Variants in TRMT9B observed in about 807,000 individuals in gnomAD.
TRMT9B encodes probable tRNA methyltransferase 9B.
In TRMT9B, 16 loss-of-function variants were observed where a neutral mutation model predicts 11.5. The ratio of observed to expected loss-of-function variants is 1.39; its 90% CI spans 0.94 to 2.11. The LOEUF (loss-of-function observed/expected upper bound fraction) is 2.11, where lower values mean the gene tolerates loss of function less well. TRMT9B is among the 30% of genes most tolerant of loss of function. The pLI is 0.00. For missense variants in TRMT9B, 941 were observed against 553.8 expected, an observed-to-expected ratio of 1.70 and a Z score of -7.02; for synonymous variants, 274 against 192.4, an observed-to-expected ratio of 1.42 and a Z score of -3.51.
Position 13,017,374 on chromosome 8 carries a change from A to T in TRMT9B, c.329-3634A>T, listed in dbSNP as rs368306476. The stretch of plus-strand genomic sequence containing the variant: ...CAACCTACCTACTGTCTGGGCTCTC[A>T]GCAGGAAAATACTGCTTTAGGATGC... On this transcript the variant is annotated intron_variant, in intron 4 of 4. Transcript: ENST00000524591. Among the ~76,000 whole-genome samples the T allele has an allele frequency of 3.9e-4, 59 of 152,308 alleles. No homozygotes were observed. In the East Asian group the frequency reaches 9.4e-3, roughly 24 times the overall value.
chr8:13,025,471 T>A lies in TRMT9B; in HGVS notation c.*3427T>A, dbSNP rs2128905945. On this transcript the variant is annotated 3_prime_UTR_variant, in exon 5 of 5. Transcript: ENST00000524591. Reference sequence around the variant, plus strand: ...GGCGGAGGTTGCAGTGAGCCGAGATTGTGCCATTGCACTCCAACCTGGGCA... The same window carrying A: ...GGCGGAGGTTGCAGTGAGCCGAGATAGTGCCATTGCACTCCAACCTGGGCA... 6.2e-6 allele frequency: 1 copy of A among 162,088 alleles called. No homozygotes were observed. The highest frequency in any genetic ancestry group is 2.4e-5 in the African/African-American group (1 of 41,572). 10.0% of individuals were successfully genotyped at this position (162,088 alleles called of 1,614,324 possible).
intron 2 of TRMT9B, among the ~76,000 whole-genome samples, chr8:12,999,796 G>A (rs1188883574): frequency 6.6e-6 from 1 of 152,132 alleles, no homozygotes; most frequent in African/African-American, 2.4e-5. Context: ...TCTTTGAGAA[G>A]GTGGAGAAGA....
chr8:12,989,070 A>G (rs1806846637), intron 1 of TRMT9B, among the ~76,000 whole-genome samples: 1 of 151,858 alleles, frequency 6.6e-6, no homozygotes, highest in African/African-American at 2.4e-5. Flanking sequence ...TTTTAATTTA[A>G]TACAGAAATT....
intron 1 of TRMT9B, chr8:12,961,753 G>C (rs1255682223): frequency 6.6e-6 from 1 of 150,880 alleles, no homozygotes; most frequent in African/African-American, 2.4e-5. Flanking sequence ...GGATCCAAGT[G>C]ATGGCAGGTC....
At chr8:12,965,529 C>G (rs1802693862) in intron 1 of TRMT9B, among the ~76,000 whole-genome samples, 1 of 152,140 alleles carries the variant, frequency 6.6e-6, no homozygotes. Context: ...TCACCAAACT[C>G]ATTAGTCCAA....
chr8:13,011,249 G>T, intron 3 of TRMT9B: 1 of 952,048 alleles, frequency 1.1e-6, no homozygotes, highest in African/African-American at 1.8e-5. Context: ...GCCTCCCAAA[G>T]TGCTAGGATT....
intron 2 of TRMT9B, among the ~76,000 whole-genome samples, chr8:12,994,277 A>G (rs1807933583): frequency 6.6e-6 from 1 of 152,262 alleles, no homozygotes; most frequent in South Asian, 2.1e-4. Flanking sequence ...TTAGATCTCC[A>G]AAATTACTTT....
intron 3 of TRMT9B, chr8:13,012,134 A>C (rs1443933858): frequency 2.0e-6 from 2 of 985,484 alleles, no homozygotes; most frequent in Non-Finnish European, 2.4e-6. Context: ...TGTGGACATC[A>C]CCTCATTAAA....
intron 2 of TRMT9B, 35 bp downstream of exon 2, chr8:12,991,066 C>G (rs1330248076): frequency 1.5e-5 from 16 of 1,086,470 alleles, no homozygotes; most frequent in Non-Finnish European, 1.9e-5. Flanking sequence ...AACTCACATA[C>G]CATGAGGTGT....
chr8:12,978,285 G>C (rs946277435), intron 1 of TRMT9B, among the ~76,000 whole-genome samples: 1 of 152,030 alleles, frequency 6.6e-6, no homozygotes, highest in African/African-American at 2.4e-5. Flanking sequence ...TGGCATTATC[G>C]ATCAGCCCAA....
chr8:13,010,425 T>G lies in TRMT9B; in HGVS notation c.155-2259T>G, dbSNP rs1254262416. On this transcript the variant is annotated intron_variant, in intron 3 of 4. Transcript: ENST00000524591. ...ATGACTGTCCTCTAAAGGAAATGGT[T>G]TCTGTTGCTAGGTTTTTCCACTTAG... 6.1e-6 allele frequency: 6 copies of G among 984,844 alleles called. No homozygotes were observed. In the African/African-American group the frequency reaches 1.0e-4, roughly 17 times the overall value. 61.0% of individuals were successfully genotyped at this position (984,844 alleles called of 1,614,324 possible). A position where few individuals can be genotyped will look rare whatever the true frequency, so the allele number is the denominator to read the frequency against.
At chr8:13,017,356 C>A (rs141805509) in intron 4 of TRMT9B, among the ~76,000 whole-genome samples, 1 of 152,234 alleles carries the variant, frequency 6.6e-6, no homozygotes, top group Non-Finnish European at 1.5e-5. Context: ...ATTCAACCTA[C>A]CTACTGTCTG....
intron 3 of TRMT9B, chr8:13,012,155 A>G (rs1811729538): frequency 2.0e-6 from 2 of 985,368 alleles, no homozygotes; most frequent in Non-Finnish European, 2.4e-6. Context: ...TATTCAATAA[A>G]TGTTATTTTT....
chr8:12,966,012 CAAAAA>C (rs1270227211), intron 1 of TRMT9B, among the ~76,000 whole-genome samples: 1 of 142,790 alleles, frequency 7.0e-6, no homozygotes, highest in Non-Finnish European at 1.5e-5. Context: ...GACTCTGTCT[CAAAAA>C]GAAAAAAAAA....
intron 4 of TRMT9B, among the ~76,000 whole-genome samples, chr8:13,015,481 A>G (rs547073323): frequency 3.9e-5 from 6 of 152,216 alleles, no homozygotes; most frequent in Admixed American, 3.9e-4. Flanking sequence ...CCTCCCAAGT[A>G]GCTGGGACTA....
rs1444553151 is a variant in TRMT9B at position 13,025,749 on chromosome 8, T to G, written c.*3705T>G. On this transcript the variant is annotated 3_prime_UTR_variant, in exon 5 of 5. Transcript: ENST00000524591. ...AACTAACAAACTAGCTACACAAACG[T>G]CTTGGAGTTTGGTTTCGTTCTCTTT... The G allele has an allele frequency of 6.0e-6, 1 of 166,934 alleles. No individual in the cohort carries two copies. The highest frequency in any genetic ancestry group is 2.4e-5 in the African/African-American group (1 of 41,452). 10.3% of individuals were successfully genotyped at this position (166,934 alleles called of 1,614,324 possible). A position where few individuals can be genotyped will look rare whatever the true frequency, so the allele number is the denominator to read the frequency against.
chr8:12,948,084 T>A (rs1800352720), intron 1 of TRMT9B, among the ~76,000 whole-genome samples: 1 of 152,202 alleles, frequency 6.6e-6, no homozygotes, highest in African/African-American at 2.4e-5. Context: ...TACATCCTAA[T>A]AAACCCATTG....
rs111965493 is a variant in TRMT9B, at chr8:13,027,043, C to G, written c.*4999C>G. On this transcript the variant is annotated 3_prime_UTR_variant, in exon 5 of 5. Coordinates refer to ENST00000524591, the MANE Select transcript of TRMT9B (RefSeq NM_020844.3). Reference sequence around the variant, plus strand: ...ATATTCTGGGACCACTTTTCTCCAACTCTTCAACCTTTCAACAATTATATT... The same window carrying G: ...ATATTCTGGGACCACTTTTCTCCAAGTCTTCAACCTTTCAACAATTATATT... The G allele has an allele frequency of 9.8e-4, 163 of 167,176 alleles. 3 individuals are homozygous for G. Among genetic ancestry groups the G allele is most frequent in the African/African-American group, 3.5e-3 (147 of 41,540 alleles). 10.4% of individuals were successfully genotyped at this position (167,176 alleles called of 1,614,324 possible). A position where few individuals can be genotyped will look rare whatever the true frequency, so the allele number is the denominator to read the frequency against.
intron 1 of TRMT9B, among the ~76,000 whole-genome samples, chr8:12,950,192 C>G (rs1800483925): frequency 1.3e-5 from 2 of 152,116 alleles, no homozygotes; most frequent in Non-Finnish European, 2.9e-5. Context: ...ACATTGGACA[C>G]CACTTCCAGG....
Sources: gnomAD v4.1 joint callset for allele counts (sites outside exome capture counted in the v4.1 genomes callset) on GRCh38, gnomAD v4.1.1 for gene constraint, MANE v1.5 for transcripts, NCBI Gene and HGNC (gene_info 2026-07-23, HGNC 2026-07-21) for gene names.